PAK3: variants seen among roughly 807,000 people sequenced by gnomAD.
PAK3 encodes serine/threonine-protein kinase PAK 3.
A neutral mutation model predicts 41.0 loss-of-function variants in PAK3; 4 were observed. That is an observed-to-expected ratio of 0.10 (90% CI 0.05 to 0.22). The LOEUF is 0.22. Among genes scored for constraint, PAK3 ranks in the 10% least tolerant of loss-of-function variants. The pLI, the probability that PAK3 is intolerant of heterozygous loss-of-function variation, is 1.00. For missense variants in PAK3, 205 were observed against 409.9 expected, an observed-to-expected ratio of 0.50 and a Z score of 4.32; for synonymous variants, 146 against 139.6, an observed-to-expected ratio of 1.05 and a Z score of -0.32.
intron 1 of PAK3, among the ~76,000 whole-genome samples, chrX:111,072,584 T>C (rs1391328536): frequency 8.9e-6 from 1 of 112,336 alleles, no homozygotes; most frequent in African/African-American, 3.2e-5. Flanking sequence ...GTAGCAGGGG[T>C]CCTGATGAGA....
chrX:110,957,753 A>G (rs1276233938), intron 1 of PAK3, among the ~76,000 whole-genome samples: 1 of 111,734 alleles, frequency 8.9e-6, no homozygotes, highest in East Asian at 2.8e-4. Context: ...AATCCTTCTC[A>G]GACCATGTCA....
At chrX:111,055,084 A>G (rs139080700) in intron 1 of PAK3, among the ~76,000 whole-genome samples, 67 of 112,201 alleles carry the variant, frequency 6.0e-4, no homozygotes, top group Non-Finnish European at 9.6e-4. Flanking sequence ...CACTTGGTGC[A>G]CATTGTACAC....
At chrX:111,189,750 A>G (rs1371476006) in intron 11 of PAK3, among the ~76,000 whole-genome samples, 1 of 111,547 alleles carries the variant, frequency 9.0e-6, no homozygotes, top group Non-Finnish European at 1.9e-5. Flanking sequence ...ATATTTTGCA[A>G]TTAGATTTAA....
At chrX:111,004,515 A>T (rs780334498) in intron 1 of PAK3, among the ~76,000 whole-genome samples, 4 of 112,685 alleles carry the variant, frequency 3.5e-5, no homozygotes, top group Non-Finnish European at 7.5e-5. Flanking sequence ...CATTTGTTCT[A>T]TTGTGAAAGA....
Position 111,216,461 on chromosome X carries a change from A to G in PAK3, c.1448A>G (p.Gln483Arg). Residue 483 changes from glutamine to arginine, a missense_variant, in exon 17 of 18, where the codon CAG becomes CGG. Physicochemically the swap from Gln to Arg is conservative, Grantham distance 43. Transcript: ENST00000372007. ...LIATNGTPELQNPERLSAVFR... is the reference protein window; with the variant it reads ...LIATNGTPELRNPERLSAVFR... ...GCCACTAATGGAACTCCAGAGCTCC[A>G]GAATCCTGAGAGACTGTCAGCTGTA... 1 of 1,182,868 alleles carries G rather than the reference A, an allele frequency of 8.5e-7. No individual in the cohort carries two copies. Among genetic ancestry groups the G allele is most frequent in the Non-Finnish European group, 1.2e-6 (1 of 868,910 alleles).
intron 16 of PAK3, among the ~76,000 whole-genome samples, chrX:111,212,498 T>G (rs2094832864): frequency 9.0e-6 from 1 of 111,604 alleles, no homozygotes; most frequent in Admixed American, 9.5e-5. Flanking sequence ...CCCATAGAAG[T>G]GGCATTATAC....
chrX:111,043,404 T>A (rs932114210), intron 1 of PAK3, among the ~76,000 whole-genome samples: 2 of 112,043 alleles, frequency 1.8e-5, no homozygotes, highest in African/African-American at 6.5e-5. Context: ...CTCACTCCGT[T>A]TCTTCAAACA....
chrX:111,074,011 G>T (rs1039363981), intron 1 of PAK3, among the ~76,000 whole-genome samples: 1 of 111,737 alleles, frequency 8.9e-6, no homozygotes, highest in African/African-American at 3.3e-5. Context: ...CATTCTTTAT[G>T]ATCAAAAAGG....
intron 5 of PAK3, among the ~76,000 whole-genome samples, chrX:111,128,901 C>T (rs1215101338): frequency 9.0e-6 from 1 of 111,561 alleles, no homozygotes; most frequent in Non-Finnish European, 1.9e-5. Flanking sequence ...TTGGTGTGTA[C>T]TTTATAGGCT....
intron 1 of PAK3, among the ~76,000 whole-genome samples, chrX:111,050,473 A>T (rs749309268): frequency 4.1e-4 from 46 of 112,559 alleles, no homozygotes; most frequent in Non-Finnish European, 9.4e-5. Flanking sequence ...ACTTAAAAAA[A>T]GTTCACCCCG....
chrX:111,197,161 G>A (rs1237733785), intron 16 of PAK3, among the ~76,000 whole-genome samples: 1 of 111,143 alleles, frequency 9.0e-6, no homozygotes, highest in Non-Finnish European at 1.9e-5. Flanking sequence ...TCCCACTTAC[G>A]AGTGAACATG....
chrX:111,151,403 T>C (rs1445939055), intron 7 of PAK3, among the ~76,000 whole-genome samples: 1 of 112,329 alleles, frequency 8.9e-6, no homozygotes, highest in Non-Finnish European at 1.9e-5. Context: ...ACAGTTGTAC[T>C]GTACTGAGCT....
chrX:111,073,945 G>A (rs1190837915), intron 1 of PAK3, among the ~76,000 whole-genome samples: 1 of 111,647 alleles, frequency 9.0e-6, no homozygotes, highest in East Asian at 2.8e-4. Context: ...GAACATAGAT[G>A]TAAAAATCTT....
chrX:111,101,461 C>T (rs971923412), intron 3 of PAK3, among the ~76,000 whole-genome samples: 1 of 111,758 alleles, frequency 8.9e-6, no homozygotes, highest in African/African-American at 3.3e-5. Context: ...GGGAGGTAAG[C>T]TTCAGGAAAG....
chrX:110,969,604 C>T (rs1161620654), intron 1 of PAK3, among the ~76,000 whole-genome samples: 2 of 109,682 alleles, frequency 1.8e-5, no homozygotes, highest in Admixed American at 1.9e-4. Flanking sequence ...CCCAGCCCTT[C>T]CACTGAATTC....
intron 5 of PAK3, among the ~76,000 whole-genome samples, chrX:111,128,566 C>G (rs1380081565): frequency 9.0e-6 from 1 of 111,476 alleles, no homozygotes; most frequent in Non-Finnish European, 1.9e-5. Flanking sequence ...ATGACAGAAG[C>G]CAGAGGCCTC....
chrX:111,106,143 A>G (rs2093258257), intron 4 of PAK3, among the ~76,000 whole-genome samples: 1 of 109,553 alleles, frequency 9.1e-6, no homozygotes, highest in Admixed American at 9.7e-5. Context: ...ACATTTTCAC[A>G]CTGGCCCAAT....
chrX:111,117,716 C>T (rs1004889420), intron 4 of PAK3, among the ~76,000 whole-genome samples: 1 of 111,853 alleles, frequency 8.9e-6, no homozygotes, highest in African/African-American at 3.2e-5. Context: ...TATAGAGTTC[C>T]ATTTTGTTAC....
chrX:111,170,279 G>A (rs1291502512), intron 10 of PAK3, among the ~76,000 whole-genome samples: 2 of 110,670 alleles, frequency 1.8e-5, no homozygotes, highest in Non-Finnish European at 3.8e-5. Flanking sequence ...CTGACTGATA[G>A]TGGAAATACA....
Sources: gnomAD v4.1 joint callset for allele counts (sites outside exome capture counted in the v4.1 genomes callset) on GRCh38, gnomAD v4.1.1 for gene constraint, MANE v1.5 for transcripts, NCBI Gene and HGNC (gene_info 2026-07-23, HGNC 2026-07-21) for gene names.